The following ACAD10 variants were observed in gnomAD, a reference collection of about 807,000 sequenced individuals.
ACAD10 encodes acyl-CoA dehydrogenase family member 10.
Under a neutral mutation model 116.8 loss-of-function variants are expected in ACAD10, and 112 were observed. That is an observed-to-expected ratio of 0.96 (90% CI 0.82 to 1.12). The LOEUF (loss-of-function observed/expected upper bound fraction) is 1.12, where lower values mean the gene tolerates loss of function less well. ACAD10 is among the 50% of genes most tolerant of loss of function. The probability of loss-of-function intolerance (pLI) is 0.00; values close to 1 mark genes in which losing one functional copy is unlikely to be tolerated. For synonymous variants in ACAD10, 486 were observed against 510.6 expected (o/e 0.95, Z 0.65); for missense variants, 1,259 against 1,350.2 (o/e 0.93, Z 1.06).
At position 111,705,806 on chromosome 12, in the gene ACAD10, C is replaced by G. The variant is rs142819536; in HGVS notation, c.405C>G (p.Phe135Leu). ...CCAGTGAGCGAGTGGCAAAGCAGTTCCCAGTGATGACTGAGGCCATAACTC... is the reference window on the plus strand; with the variant it reads ...CCAGTGAGCGAGTGGCAAAGCAGTTGCCAGTGATGACTGAGGCCATAACTC... ...LLTSERVAKQ[F>L]PVMTEAITQI... is the part of the protein sequence containing the mutation. Residue 135 changes from phenylalanine (F) to leucine (L), a missense_variant, in exon 4 of 21, where the codon TTC (phenylalanine) becomes TTG (leucine). Coordinates refer to ENST00000313698, the MANE Select transcript of ACAD10 (RefSeq NM_025247.6). 6.2e-7 allele frequency: 1 copy of G among 1,614,140 alleles called. No homozygotes were observed.
At chr12:111,703,279 G>T (rs546441459) in intron 3 of ACAD10, among the ~76,000 whole-genome samples, 1 of 152,100 alleles carries the variant, frequency 6.6e-6, no homozygotes, top group South Asian at 2.1e-4. Context: ...CATGCATTCA[G>T]CAACCTGAAA....
intron 19 of ACAD10, 41 bp downstream of exon 19, chr12:111,753,956 T>G: frequency 1.3e-6 from 2 of 1,558,322 alleles, no homozygotes; most frequent in South Asian, 1.2e-5. Flanking sequence ...GAGGCAGAGA[T>G]TCTTCCTCCT....
chr12:111,726,079 C>T (rs1889205483), intron 8 of ACAD10, among the ~76,000 whole-genome samples: 2 of 151,834 alleles, frequency 1.3e-5, no homozygotes, highest in African/African-American at 4.8e-5. Context: ...CGTGGTGAAA[C>T]CCCGTCTCTA....
At position 111,692,692 on chromosome 12, in the gene ACAD10, C is replaced by G. The variant is rs200191825; in HGVS notation, c.-13-5C>G. On this transcript the variant is annotated splice_polypyrimidine_tract_variant and splice_region_variant and intron_variant, in intron 1 of 20. Coordinates refer to ENST00000313698, the MANE Select transcript of ACAD10 (RefSeq NM_025247.6). ...AGTAACGCCCTGTGCCTTCTTCCCA[C>G]ACAGCCTCAGCCTCACCATGTGTGT... 6.8e-5 allele frequency: 109 copies of G among 1,609,092 alleles called. 1 individual carries two copies. Among genetic ancestry groups the G allele is most frequent in the Admixed American group, 1.7e-5 (1 of 59,584 alleles).
intron 8 of ACAD10, among the ~76,000 whole-genome samples, chr12:111,723,170 G>T (rs1436341619): frequency 5.6e-5 from 8 of 142,550 alleles, no homozygotes; most frequent in African/African-American, 2.1e-4. Flanking sequence ...CCTCCCGGAC[G>T]GGGCGGCTGG....
chr12:111,751,140 T>A (rs1341694061), intron 18 of ACAD10, among the ~76,000 whole-genome samples: 1 of 152,182 alleles, frequency 6.6e-6, no homozygotes, highest in Non-Finnish European at 1.5e-5. Flanking sequence ...AAAGATTTGC[T>A]ACAAGGAGGT....
intron 1 of ACAD10, chr12:111,688,098 C>T (rs1887929379): frequency 6.6e-6 from 1 of 152,214 alleles, no homozygotes; most frequent in African/African-American, 2.4e-5. Context: ...AACTCCTGAC[C>T]TTGTGATCCG....
Position 111,753,760 on chromosome 12 carries a change from C to G in ACAD10, c.2818-12C>G, listed in dbSNP as rs528239678. On this transcript the variant is annotated splice_polypyrimidine_tract_variant and intron_variant, in intron 18 of 20. Coordinates refer to ENST00000313698, the MANE Select transcript of ACAD10 (RefSeq NM_025247.6). Reference sequence around the variant, plus strand: ...CAGCATGTCCTCAGCCGCACATCTCCTGTGTCGACAGGTGAAGTCCCGCTT... The same window carrying G: ...CAGCATGTCCTCAGCCGCACATCTCGTGTGTCGACAGGTGAAGTCCCGCTT... 6.2e-7 allele frequency: 1 copy of G among 1,613,852 alleles called. No individual in the cohort carries two copies.
chr12:111,728,556 G>T (rs1889291516), intron 9 of ACAD10, among the ~76,000 whole-genome samples: 1 of 151,866 alleles, frequency 6.6e-6, no homozygotes, highest in Admixed American at 6.6e-5. Context: ...TGTATTTTTT[G>T]AGATGGGGGT....
chr12:111,707,129 G>A (rs1167920380), intron 4 of ACAD10, among the ~76,000 whole-genome samples: 1 of 148,820 alleles, frequency 6.7e-6, no homozygotes, highest in Non-Finnish European at 1.5e-5. Flanking sequence ...TCTCTCTGTC[G>A]CCCAGGTTGG....
At position 111,730,036 on chromosome 12, in the gene ACAD10, A is replaced by G; in HGVS notation, c.1394+80A>G. On this transcript the variant is annotated intron_variant, in intron 10 of 20. Transcript: ENST00000313698. ...GAATTGAGCAATTGGTCTTGGTGCA[A>G]TTTACAGCTGGGAATTATTCCTATT... 5.3e-6 allele frequency: 8 copies of G among 1,516,766 alleles called. No individual in the cohort carries two copies. In the South Asian group the frequency reaches 8.8e-5, roughly 17 times the overall value. 94.0% of individuals were successfully genotyped at this position (1,516,766 alleles called of 1,614,324 possible).
Position 111,718,036 on chromosome 12 carries a change from C to CTTTTTTTTTTTT in ACAD10, c.992+2094_992+2105dup, listed in dbSNP as rs560344796. On this transcript the variant is annotated intron_variant, in intron 7 of 20. Coordinates refer to ENST00000313698, the MANE Select transcript of ACAD10 (RefSeq NM_025247.6). ...TATACGTAGGATCTATAGTGATATC[C>CTTTTTTTTTTTT]TTTTTTTTTTTTTTTTTTTTTTTTT... Among the ~76,000 whole-genome samples the CTTTTTTTTTTTT allele has an allele frequency of 4.1e-4, 26 of 63,676 alleles. 5 individuals are homozygous for CTTTTTTTTTTTT. The highest frequency in any genetic ancestry group is 1.7e-3 in the African/African-American group (21 of 12,206). The allele number at this position is 63,676 out of a possible 152,430, so 41.8% of individuals were successfully genotyped here. A position where few individuals can be genotyped will look rare whatever the true frequency, so the allele number is the denominator to read the frequency against.
At position 111,747,099 on chromosome 12, in the gene ACAD10, G is replaced by A. The variant is rs1233454230; in HGVS notation, c.2307G>A (p.Arg769=). The change falls in exon 15 of 21, where the codon AGG becomes AGA. Residue 769 remains arginine (R), a synonymous_variant. Coordinates refer to ENST00000313698, the MANE Select transcript of ACAD10 (RefSeq NM_025247.6). ...PDTGNMELLV[R]YGTEAQKARW... ...CGGGCAACATGGAGCTGCTGGTGAG[G>A]TATGGCACCGAAGCGCAGAAGGCTC... The A allele has an allele frequency of 6.2e-7, 1 of 1,613,292 alleles. No individual in the cohort carries two copies.
At chr12:111,692,527 G>A (rs879686629) in intron 1 of ACAD10, among the ~76,000 whole-genome samples, 170 bp from the exon 2 acceptor site, 1 of 152,230 alleles carries the variant, frequency 6.6e-6, no homozygotes, top group Admixed American at 6.5e-5. Flanking sequence ...TGGAGCCCTT[G>A]ACTAAGTAGC....
At chr12:111,741,346 C>T (rs140523432) in intron 12 of ACAD10, among the ~76,000 whole-genome samples, 22 of 152,258 alleles carry the variant, frequency 1.4e-4, no homozygotes, top group African/African-American at 5.3e-4. Context: ...CTGATATTTC[C>T]TAGCCGGCTG....
chr12:111,737,160 A>G (rs916642844), intron 12 of ACAD10, among the ~76,000 whole-genome samples, 156 bp downstream of exon 12: 2 of 152,040 alleles, frequency 1.3e-5, no homozygotes, highest in African/African-American at 4.8e-5. Flanking sequence ...TTGTCCATAA[A>G]TATTTTCTTT....
chr12:111,754,761 T>G (rs1177238585), intron 19 of ACAD10, among the ~76,000 whole-genome samples: 1 of 152,228 alleles, frequency 6.6e-6, no homozygotes, highest in Non-Finnish European at 1.5e-5. Flanking sequence ...GTGGCCTTGG[T>G]CCACTGCTGC....
Position 111,727,986 on chromosome 12 carries a change from G to C in ACAD10, c.1086G>C (p.Val362=). 1 of 1,612,200 alleles carries C rather than the reference G, an allele frequency of 6.2e-7. No homozygotes were observed. Among genetic ancestry groups the C allele is most frequent in the South Asian group, 1.1e-5 (1 of 90,676 alleles). The change falls in exon 9 of 21, where the codon GTG becomes GTC. Residue 362 remains valine (V), a synonymous_variant. Transcript: ENST00000313698. ...DSSVIGTPFY[V]MEYCPGLIYK... ...GTGTCATTGGCACCCCCTTCTATGT[G>C]ATGGAGTACTGCCCAGGTCTCATCT...
chr12:111,738,937 A>T (rs1889651973), intron 12 of ACAD10, among the ~76,000 whole-genome samples: 1 of 133,616 alleles, frequency 7.5e-6, no homozygotes, highest in South Asian at 2.5e-4. Context: ...ACAAAGTCTC[A>T]TTGATGACCT....
Sources: gnomAD v4.1 joint callset for allele counts (sites outside exome capture counted in the v4.1 genomes callset) on GRCh38, gnomAD v4.1.1 for gene constraint, MANE v1.5 for transcripts, NCBI Gene and HGNC (gene_info 2026-07-23, HGNC 2026-07-21) for gene names.